CDS1: variants seen among roughly 807,000 people sequenced by gnomAD.
The protein encoded by CDS1 is phosphatidate cytidylyltransferase 1.
In CDS1, 41 loss-of-function variants were observed where a neutral mutation model predicts 62.1. The observed-to-expected ratio is 0.66, with a 90% CI of 0.51 to 0.86. The LOEUF (loss-of-function observed/expected upper bound fraction) is 0.86, where lower values mean the gene tolerates loss of function less well. CDS1 is among the 40% of genes least tolerant of loss of function. CDS1 has a pLI of 0.00. For missense variants in CDS1, 470 were observed against 550.1 expected (o/e 0.85, Z 1.46); for synonymous variants, 185 against 192.6 (o/e 0.96, Z 0.32).
At chr4:84,621,647 G>A (rs924808576) in intron 5 of CDS1, among the ~76,000 whole-genome samples, 12 of 151,928 alleles carry the variant, frequency 7.9e-5, no homozygotes, top group Non-Finnish European at 1.6e-4. Context: ...GGCTGGTCTC[G>A]AACTCCTGGG....
intron 8 of CDS1, among the ~76,000 whole-genome samples, chr4:84,635,647 CT>C (rs1396639171): frequency 8.8e-4 from 100 of 113,600 alleles, no homozygotes; most frequent in African/African-American, 3.3e-3. Flanking sequence ...TCCTTCCTTC[CT>C]TCCTTCCTTC....
At chr4:84,617,382 C>T (rs1026166171) in intron 3 of CDS1, among the ~76,000 whole-genome samples, 182 bp from the exon 4 acceptor site, 5 of 152,152 alleles carry the variant, frequency 3.3e-5, no homozygotes, top group African/African-American at 1.2e-4. Flanking sequence ...ATTTTGCCTA[C>T]CCCTTTGAGT....
chr4:84,627,465 T>G (rs1378350494), intron 5 of CDS1, among the ~76,000 whole-genome samples: 1 of 152,198 alleles, frequency 6.6e-6, no homozygotes, highest in Admixed American at 6.5e-5. Context: ...CTTGGTGATT[T>G]GGAATTGGGG....
intron 5 of CDS1, among the ~76,000 whole-genome samples, chr4:84,630,953 A>T (rs149384457): frequency 1.2e-4 from 19 of 152,342 alleles, no homozygotes; most frequent in Non-Finnish European, 5.9e-5. Context: ...GAAGTGATTC[A>T]TATTGCCTCC....
intron 5 of CDS1, among the ~76,000 whole-genome samples, chr4:84,627,954 T>C (rs186590830): frequency 2.3e-3 from 346 of 152,324 alleles, no homozygotes; most frequent in African/African-American, 7.8e-3. Context: ...TTCAGATTAA[T>C]AGAAAACTTT....
At position 84,585,122 on chromosome 4, in the gene CDS1, G is replaced by A. The variant is rs147310340; in HGVS notation, c.117+1604G>A. Among the ~76,000 whole-genome samples, 587 of 152,194 alleles carry A rather than the reference G, an allele frequency of 3.9e-3. 3 individuals are homozygous for A. Among genetic ancestry groups the A allele is most frequent in the Non-Finnish European group, 3.9e-3 (266 of 68,000 alleles). ...TTTTTTCTTTTTTTAACACCATAAT[G>A]TATTTAAAATGGAAACTACTTCTGT... On this transcript the variant is annotated intron_variant, in intron 1 of 12. Transcript: ENST00000295887.
At position 84,619,436 on chromosome 4, in the gene CDS1, T is replaced by C; in HGVS notation, c.483T>C (p.Thr161=). ...LCVNYFFYGE[T]VADYFATFVQ... is the part of the protein sequence containing the mutation. The stretch of plus-strand genomic sequence containing the variant: ...TAAACTACTTTTTCTATGGAGAGAC[T>C]GTAGCTGATTATTTTGCTACATTTG... Residue 161 remains threonine (T), a synonymous_variant, in exon 5 of 13, where the codon ACT becomes ACC. Transcript: ENST00000295887. 6.3e-7 allele frequency: 1 copy of C among 1,581,306 alleles called. No individual in the cohort carries two copies. Among genetic ancestry groups the C allele is most frequent in the South Asian group, 1.1e-5 (1 of 89,094 alleles).
chr4:84,614,730 A>G (rs1723433854), intron 3 of CDS1, among the ~76,000 whole-genome samples: 1 of 152,224 alleles, frequency 6.6e-6, no homozygotes, highest in South Asian at 2.1e-4. Context: ...ATGTATATAT[A>G]TTTTTTAAAA....
intron 8 of CDS1, among the ~76,000 whole-genome samples, chr4:84,637,547 C>T (rs1008182232): frequency 1.3e-5 from 2 of 152,060 alleles, no homozygotes; most frequent in Admixed American, 1.3e-4. Flanking sequence ...CCATTAGAAA[C>T]CCCCTCCCTG....
At chr4:84,606,162 AT>A (rs1723086613) in intron 2 of CDS1, among the ~76,000 whole-genome samples, 1 of 152,154 alleles carries the variant, frequency 6.6e-6, no homozygotes, top group Admixed American at 6.5e-5. Context: ...AAGACTTAGA[AT>A]TTGTAGATAC....
intron 1 of CDS1, among the ~76,000 whole-genome samples, chr4:84,601,878 A>C (rs1159595525): frequency 6.6e-6 from 1 of 152,054 alleles, no homozygotes; most frequent in East Asian, 1.9e-4. Flanking sequence ...ACACCACTGC[A>C]CTCCAGCCTG....
chr4:84,593,498 T>C (rs1002792266), intron 1 of CDS1, among the ~76,000 whole-genome samples: 1 of 128,960 alleles, frequency 7.8e-6, no homozygotes, highest in African/African-American at 2.9e-5. Context: ...AGTTACAAGG[T>C]TTTTTTTGTT....
At chr4:84,645,760 C>G (rs1317240111) in intron 12 of CDS1, among the ~76,000 whole-genome samples, 1 of 152,148 alleles carries the variant, frequency 6.6e-6, no homozygotes, top group Non-Finnish European at 1.5e-5. Context: ...AACCAAATCT[C>G]TGCCCCCATA....
chr4:84,620,245 T>TAC, intron 5 of CDS1, among the ~76,000 whole-genome samples: 1 of 130,574 alleles, frequency 7.7e-6, no homozygotes, highest in African/African-American at 3.0e-5. Context: ...TTTTTTGAGA[T>TAC]GGAGTCTCAC....
chr4:84,592,322 G>A (rs2110035537), intron 1 of CDS1, among the ~76,000 whole-genome samples: 1 of 151,920 alleles, frequency 6.6e-6, no homozygotes, highest in East Asian at 1.9e-4. Flanking sequence ...CAGGCACGCA[G>A]CACAAAAGCC....
intron 2 of CDS1, among the ~76,000 whole-genome samples, chr4:84,607,306 C>G (rs909494218): frequency 2.7e-5 from 4 of 150,684 alleles, no homozygotes; most frequent in Non-Finnish European, 5.9e-5. Context: ...TTTTAAGAGA[C>G]AGTATCTTGC....
chr4:84,644,499 A>G (rs768900212), intron 11 of CDS1, among the ~76,000 whole-genome samples: 8 of 152,228 alleles, frequency 5.3e-5, no homozygotes, highest in Non-Finnish European at 1.0e-4. Context: ...TTTTTGTTAA[A>G]TGGTGAGTTT....
chr4:84,617,471 T>G (rs1326842221), intron 3 of CDS1, 93 bp from the exon 4 acceptor site: 9 of 686,872 alleles, frequency 1.3e-5, no homozygotes, highest in Non-Finnish European at 2.0e-5. Context: ...AGATTAAGAT[T>G]TTTTAAATAC....
intron 1 of CDS1, among the ~76,000 whole-genome samples, chr4:84,597,253 A>T (rs1722778978): frequency 2.0e-5 from 3 of 151,608 alleles, no homozygotes; most frequent in African/African-American, 4.8e-5. Flanking sequence ...AGTTCAAATT[A>T]AAAAAAAATA....
Sources: gnomAD v4.1 joint callset for allele counts (sites outside exome capture counted in the v4.1 genomes callset) on GRCh38, gnomAD v4.1.1 for gene constraint, MANE v1.5 for transcripts, NCBI Gene and HGNC (gene_info 2026-07-23, HGNC 2026-07-21) for gene names.